Variants in SLC35F1 observed in about 807,000 individuals in gnomAD.
The protein encoded by SLC35F1 is solute carrier family 35 member F1, also known as chromosome 6 open reading frame 169.
SLC35F1 carries 14 observed loss-of-function variants against 48.7 expected under a neutral mutation model. That is an observed-to-expected ratio of 0.29 (90% CI 0.19 to 0.45). The LOEUF is 0.45. Ranked by LOEUF, SLC35F1 falls within the 20% of genes least tolerant of loss-of-function variation. SLC35F1 has a pLI of 1.00. For synonymous variants in SLC35F1, 190 were observed against 202.2 expected, an observed-to-expected ratio of 0.94 and a Z score of 0.51; for missense variants, 404 against 500.0, an observed-to-expected ratio of 0.81 and a Z score of 1.83.
At chr6:117,974,205 A>G (rs1042760974) in intron 1 of SLC35F1, among the ~76,000 whole-genome samples, 1 of 152,230 alleles carries the variant, frequency 6.6e-6, no homozygotes, top group Admixed American at 6.5e-5. Flanking sequence ...AGCACTTAGT[A>G]CAAGGTCTAG....
intron 1 of SLC35F1, among the ~76,000 whole-genome samples, chr6:118,134,594 A>T (rs1178734324): frequency 6.6e-6 from 1 of 152,212 alleles, no homozygotes; most frequent in Non-Finnish European, 1.5e-5. Flanking sequence ...AACTTGCGGC[A>T]GAGACCTAAA....
chr6:118,103,021 C>G (rs970937733), intron 1 of SLC35F1, among the ~76,000 whole-genome samples: 4 of 152,168 alleles, frequency 2.6e-5, no homozygotes, highest in Non-Finnish European at 5.9e-5. Context: ...ACCACCAGGT[C>G]TACCTTCCAA....
At position 118,028,415 on chromosome 6, in the gene SLC35F1, A is replaced by G. The variant is rs375204967; in HGVS notation, c.173+120516A>G. Among the ~76,000 whole-genome samples, 23 of 152,252 alleles carry G rather than the reference A, an allele frequency of 1.5e-4. No homozygotes were observed. The South Asian group carries it at 3.1e-3, about 21-fold the overall frequency. On this transcript the variant is annotated intron_variant, in intron 1 of 7. Coordinates refer to ENST00000360388, the MANE Select transcript of SLC35F1 (RefSeq NM_001029858.4). Reference sequence around the variant, plus strand: ...TAGGGCTATGTGGAAAACTGGAGGAAATAGAGATGGTAAAGATAGTAAACA... The same window carrying G: ...TAGGGCTATGTGGAAAACTGGAGGAGATAGAGATGGTAAAGATAGTAAACA...
At position 118,316,381 on chromosome 6, in the gene SLC35F1, T is replaced by A. The variant is rs1160629080; in HGVS notation, c.*2129T>A. On this transcript the variant is annotated 3_prime_UTR_variant, in exon 8 of 8. Transcript: ENST00000360388. ...TGCCAACATCTTCTCTCTGCTACCT[T>A]TTAAACCAATTAAATACCTTTCTCT... 6.6e-6 allele frequency: 1 copy of A among 152,664 alleles called. No individual in the cohort carries two copies. The highest frequency in any genetic ancestry group is 1.9e-4 in the East Asian group (1 of 5,196). The allele number at this position is 152,664 out of a possible 1,614,324, so 9.5% of individuals were successfully genotyped here. A position where few individuals can be genotyped will look rare whatever the true frequency, so the allele number is the denominator to read the frequency against.
chr6:118,132,174 C>T (rs1773723376), intron 1 of SLC35F1, among the ~76,000 whole-genome samples: 1 of 152,164 alleles, frequency 6.6e-6, no homozygotes, highest in South Asian at 2.1e-4. Context: ...CCTAGCCTAC[C>T]CCATCTCATG....
intron 1 of SLC35F1, among the ~76,000 whole-genome samples, chr6:117,987,194 C>A (rs948572240): frequency 1.3e-5 from 2 of 152,158 alleles, no homozygotes; most frequent in Non-Finnish European, 2.9e-5. Flanking sequence ...CCACTCATCT[C>A]TTTGTGCATG....
At position 118,141,970 on chromosome 6, in the gene SLC35F1, C is replaced by T. The variant is rs142265072; in HGVS notation, c.174-12475C>T. Among the ~76,000 whole-genome samples the T allele has an allele frequency of 6.8e-3, 1,041 of 152,204 alleles. 7 individuals carry two copies. Among genetic ancestry groups the T allele is most frequent in the Middle Eastern group, 0.034 (10 of 294 alleles). On this transcript the variant is annotated intron_variant, in intron 1 of 7. Transcript: ENST00000360388. Reference sequence around the variant, plus strand: ...GTTCTTAAAGAAAGTGTCAGTGGTTCCCACAACTTGAGGGCCTGAGACTGG... The same window carrying T: ...GTTCTTAAAGAAAGTGTCAGTGGTTTCCACAACTTGAGGGCCTGAGACTGG...
At chr6:117,943,072 G>A (rs1392868785) in intron 1 of SLC35F1, among the ~76,000 whole-genome samples, 1 of 152,086 alleles carries the variant, frequency 6.6e-6, no homozygotes, top group African/African-American at 2.4e-5. Flanking sequence ...CCTGTCAAAT[G>A]TACCGATCTT....
chr6:118,166,352 C>T (rs893615965), intron 2 of SLC35F1, among the ~76,000 whole-genome samples: 1 of 152,082 alleles, frequency 6.6e-6, no homozygotes, highest in African/African-American at 2.4e-5. Context: ...TGGACAAACT[C>T]AATGGACTAC....
chr6:118,022,719 A>G (rs1402551324), intron 1 of SLC35F1, among the ~76,000 whole-genome samples: 20 of 151,796 alleles, frequency 1.3e-4, no homozygotes, highest in Admixed American at 1.3e-3. Flanking sequence ...TCATGAATGC[A>G]AGTGACTCAA....
chr6:118,070,142 C>CAAAA (rs61496169), intron 1 of SLC35F1, among the ~76,000 whole-genome samples: 1,392 of 77,782 alleles, frequency 0.018, 116 homozygotes, highest in Admixed American at 0.076. Flanking sequence ...GACTCCGTCT[C>CAAAA]AAAAAAAAAA....
At chr6:117,985,081 T>C (rs1298347440) in intron 1 of SLC35F1, among the ~76,000 whole-genome samples, 1 of 152,238 alleles carries the variant, frequency 6.6e-6, no homozygotes, top group African/African-American at 2.4e-5. Context: ...ACTTCCTTAA[T>C]TGAATCAGGA....
chr6:117,947,549 G>A (rs1408365411), intron 1 of SLC35F1, among the ~76,000 whole-genome samples: 1 of 152,134 alleles, frequency 6.6e-6, no homozygotes, highest in Non-Finnish European at 1.5e-5. Flanking sequence ...CACTTAGAAT[G>A]TAACATCTAG....
intron 1 of SLC35F1, among the ~76,000 whole-genome samples, chr6:118,057,857 T>TAG: frequency 1.3e-5 from 2 of 152,320 alleles, no homozygotes; most frequent in South Asian, 4.1e-4. Context: ...TTCTGTTGTG[T>TAG]AGAGACAGAA....
chr6:117,978,629 T>C (rs1181779368), intron 1 of SLC35F1, among the ~76,000 whole-genome samples: 1 of 152,190 alleles, frequency 6.6e-6, no homozygotes, highest in Non-Finnish European at 1.5e-5. Flanking sequence ...AGCTTTCCTC[T>C]GGCAGAAACC....
chr6:118,224,738 T>C (rs1307752932), intron 2 of SLC35F1, among the ~76,000 whole-genome samples: 1 of 152,220 alleles, frequency 6.6e-6, no homozygotes, highest in Non-Finnish European at 1.5e-5. Flanking sequence ...TAAATGCTAC[T>C]GATGTTTGTA....
In SLC35F1 at chr6:118,144,603, T is replaced by G. The variant is rs1298814787; in HGVS notation, c.174-9842T>G. ...CCCAGAACTTAAAAAAAAAAAAAATTGAAAATGTTAAAAAAAAAAAAAACC... is the reference window on the plus strand; with the variant it reads ...CCCAGAACTTAAAAAAAAAAAAAATGGAAAATGTTAAAAAAAAAAAAAACC... On this transcript the variant is annotated intron_variant, in intron 1 of 7. Coordinates refer to ENST00000360388, the MANE Select transcript of SLC35F1 (RefSeq NM_001029858.4). Among the ~76,000 whole-genome samples the G allele has an allele frequency of 2.3e-5, 3 of 131,330 alleles. No individual in the cohort carries two copies. The South Asian group carries it at 8.5e-4, about 37-fold the overall frequency. 86.2% of individuals were successfully genotyped at this position (131,330 alleles called of 152,430 possible).
At chr6:118,026,179 A>T (rs376465546) in intron 1 of SLC35F1, among the ~76,000 whole-genome samples, 1 of 152,124 alleles carries the variant, frequency 6.6e-6, no homozygotes, top group Admixed American at 6.5e-5. Flanking sequence ...TAAAGGGAGG[A>T]TGTTTGAAAG....
At chr6:118,290,864 G>A (rs1271756444) in intron 7 of SLC35F1, among the ~76,000 whole-genome samples, 2 of 151,008 alleles carry the variant, frequency 1.3e-5, no homozygotes, top group South Asian at 2.1e-4. Context: ...GTGCGATCTC[G>A]GTTCACCACA....
Sources: allele counts gnomAD v4.1 joint callset (sites outside exome capture counted in the v4.1 genomes callset), GRCh38; gene constraint gnomAD v4.1.1; transcripts MANE v1.5; gene names NCBI Gene and HGNC (gene_info 2026-07-23, HGNC 2026-07-21).